TMEM232: variants seen among roughly 807,000 people sequenced by gnomAD.
The protein encoded by TMEM232 is transmembrane protein 232.
In TMEM232, 80 loss-of-function variants were observed where a neutral mutation model predicts 78.8. That is an observed-to-expected ratio of 1.01 (90% CI 0.85 to 1.22). TMEM232 has a LOEUF of 1.22. Ranked by LOEUF, TMEM232 falls within the 50% of genes most tolerant of loss-of-function variation. TMEM232 has a pLI of 0.00. For synonymous variants in TMEM232, 297 were observed against 254.3 expected (o/e 1.17, Z -1.60); for missense variants, 881 against 742.2 (o/e 1.19, Z -2.17).
chr5:110,535,139 C>G (rs1772143939), intron 11 of TMEM232, among the ~76,000 whole-genome samples: 1 of 152,278 alleles, frequency 6.6e-6, no homozygotes, highest in East Asian at 1.9e-4. Flanking sequence ...TGAGCCCAAG[C>G]TAAGCCATCA....
intron 2 of TMEM232, among the ~76,000 whole-genome samples, chr5:110,656,076 A>T (rs1789014781): frequency 6.6e-6 from 1 of 152,144 alleles, no homozygotes; most frequent in Non-Finnish European, 1.5e-5. Context: ...CAATACTTTA[A>T]TTGGCTGAGG....
At chr5:110,567,987 C>A (rs1776533296) in intron 11 of TMEM232, among the ~76,000 whole-genome samples, 1 of 151,994 alleles carries the variant, frequency 6.6e-6, no homozygotes, top group Admixed American at 6.6e-5. Flanking sequence ...GCAGCTCCTT[C>A]ACAGCTCATC....
At chr5:110,636,710 T>C (rs1215328250) in intron 5 of TMEM232, among the ~76,000 whole-genome samples, 2 of 151,984 alleles carry the variant, frequency 1.3e-5, no homozygotes, top group African/African-American at 4.8e-5. Flanking sequence ...TATGCCACAG[T>C]GAGATGTAGA....
At chr5:110,484,163 G>A (rs190059847) in intron 12 of TMEM232, among the ~76,000 whole-genome samples, 23 of 152,134 alleles carry the variant, frequency 1.5e-4, no homozygotes, top group Admixed American at 1.2e-3. Context: ...GATTACTGGG[G>A]GGAAGGGGAC....
chr5:110,443,265 C>G (rs1334571720), intron 12 of TMEM232, among the ~76,000 whole-genome samples: 1 of 152,156 alleles, frequency 6.6e-6, no homozygotes, highest in African/African-American at 2.4e-5. Context: ...ATGTTCTATT[C>G]TACTGTGGCC....
chr5:110,513,540 A>G (rs1193924391), intron 12 of TMEM232, among the ~76,000 whole-genome samples: 2 of 152,182 alleles, frequency 1.3e-5, no homozygotes, highest in Non-Finnish European at 2.9e-5. Context: ...CTGAATAGAC[A>G]TTTTTCCAAG....
At chr5:110,438,929 T>A (rs1424401005) in intron 12 of TMEM232, among the ~76,000 whole-genome samples, 1 of 152,108 alleles carries the variant, frequency 6.6e-6, no homozygotes, top group Non-Finnish European at 1.5e-5. Context: ...CTCCACCTGG[T>A]CAGATGTATT....
intron 11 of TMEM232, among the ~76,000 whole-genome samples, chr5:110,531,387 C>T (rs1771446966): frequency 6.6e-6 from 1 of 152,198 alleles, no homozygotes; most frequent in African/African-American, 2.4e-5. Context: ...AATCCCCTGT[C>T]CTCCTGCTCT....
intron 5 of TMEM232, among the ~76,000 whole-genome samples, chr5:110,633,181 G>T (rs1303475400): frequency 6.6e-6 from 1 of 152,124 alleles, no homozygotes; most frequent in Non-Finnish European, 1.5e-5. Context: ...TTACAGACAA[G>T]CAAATGGTAA....
chr5:110,488,190 C>T (rs752287783), intron 12 of TMEM232, among the ~76,000 whole-genome samples: 10 of 151,816 alleles, frequency 6.6e-5, no homozygotes, highest in African/African-American at 9.7e-5. Flanking sequence ...CAGTGGTGTC[C>T]GTTTTAATAT....
chr5:110,687,195 G>C (rs1365174744), intron 1 of TMEM232, among the ~76,000 whole-genome samples: 2 of 152,100 alleles, frequency 1.3e-5, no homozygotes, highest in Admixed American at 6.6e-5. Context: ...CTTGGAATTT[G>C]TGGCACAAGA....
At chr5:110,419,310 A>ATAAG (rs1756429574), downstream of TMEM232, among the ~76,000 whole-genome samples, 3 of 152,266 alleles carry the variant, frequency 2.0e-5, no homozygotes, top group South Asian at 2.1e-4. Flanking sequence ...AAAGAGAAAC[A>ATAAG]TAAGTTTGAA....
intron 12 of TMEM232, among the ~76,000 whole-genome samples, chr5:110,466,662 G>C (rs1178571894): frequency 2.0e-5 from 3 of 151,308 alleles, no homozygotes; most frequent in African/African-American, 7.3e-5. Flanking sequence ...GCCCAGGCTG[G>C]AGTGCAGTGG....
At chr5:110,431,696 T>A (rs1240413695) in intron 12 of TMEM232, among the ~76,000 whole-genome samples, 7 of 151,722 alleles carry the variant, frequency 4.6e-5, no homozygotes, top group African/African-American at 1.7e-4. Context: ...ATCTTAAAAT[T>A]CACATATTAC....
intron 1 of TMEM232, chr5:110,720,456 C>A (rs955145375): frequency 1.3e-5 from 2 of 152,066 alleles, no homozygotes; most frequent in Non-Finnish European, 2.9e-5. Context: ...GATACAGTAA[C>A]CCTTGATTGG....
intron 12 of TMEM232, among the ~76,000 whole-genome samples, chr5:110,479,871 C>T (rs923771475): frequency 6.6e-6 from 1 of 151,792 alleles, no homozygotes; most frequent in Non-Finnish European, 1.5e-5. Context: ...TAAATTCACA[C>T]CCACATGTTT....
chr5:110,664,200 T>C (rs1790237563), intron 2 of TMEM232, among the ~76,000 whole-genome samples: 1 of 152,110 alleles, frequency 6.6e-6, no homozygotes, highest in Non-Finnish European at 1.5e-5. Flanking sequence ...AAATATGCAA[T>C]GATTTTCACT....
Position 110,512,237 on chromosome 5 carries a change from C to T in TMEM232, c.1703+16351G>A, listed in dbSNP as rs10075198. Among the ~76,000 whole-genome samples the T allele has an allele frequency of 7.4e-3, 1,131 of 152,214 alleles. 11 individuals are homozygous for T. Among genetic ancestry groups the T allele is most frequent in the African/African-American group, 0.026 (1,091 of 41,522 alleles). On this transcript the variant is annotated intron_variant, in intron 12 of 13. Transcript: ENST00000455884. Reference sequence around the variant, plus strand: ...TTAAGTACTATATCTGAGACATTTGCTTTCATAGTATCTGGCCTATATTAG... The same window carrying T: ...TTAAGTACTATATCTGAGACATTTGTTTTCATAGTATCTGGCCTATATTAG...
At chr5:110,619,407 CT>C (rs1308349698) in intron 7 of TMEM232, among the ~76,000 whole-genome samples, 1 of 152,050 alleles carries the variant, frequency 6.6e-6, no homozygotes, top group Non-Finnish European at 1.5e-5. Flanking sequence ...TTTTAAGTTT[CT>C]AATAAAGTGT....
Sources: allele counts gnomAD v4.1 joint callset (sites outside exome capture counted in the v4.1 genomes callset), GRCh38; gene constraint gnomAD v4.1.1; transcripts MANE v1.5; gene names NCBI Gene and HGNC (gene_info 2026-07-23, HGNC 2026-07-21).